CACNA2D4: variants seen among roughly 807,000 people sequenced by gnomAD.
CACNA2D4 encodes the protein calcium voltage-gated channel auxiliary subunit alpha2delta 4.
A neutral mutation model predicts 163.8 loss-of-function variants in CACNA2D4; 157 were observed. That is an observed-to-expected ratio of 0.96 (90% CI 0.84 to 1.09). The LOEUF (loss-of-function observed/expected upper bound fraction) is 1.09. Ranked by LOEUF, CACNA2D4 falls within the 50% of genes least tolerant of loss-of-function variation. The pLI, the probability that CACNA2D4 is intolerant of heterozygous loss-of-function variation, is 0.00. For synonymous variants in CACNA2D4, 598 were observed against 586.9 expected, an observed-to-expected ratio of 1.02 and a Z score of -0.27; for missense variants, 1,410 against 1,479.9, an observed-to-expected ratio of 0.95 and a Z score of 0.78.
At position 1,856,180 on chromosome 12, in the gene CACNA2D4, T is replaced by A. The variant is rs200648405; in HGVS notation, c.2054+4A>T. 5.6e-5 allele frequency: 91 copies of A among 1,613,890 alleles called. 2 individuals carry two copies. The highest frequency in any genetic ancestry group is 3.4e-6 in the Non-Finnish European group (4 of 1,179,904). ...CTCCCTCCCATTTTTTACTCCTCAC[T>A]TACCAGTCACCGGCCAGGGCCAGGT... is the stretch of plus-strand genomic sequence containing the variant. On this transcript the variant is annotated splice_donor_region_variant and intron_variant, in intron 21 of 37. Coordinates refer to ENST00000382722, the MANE Select transcript of CACNA2D4 (RefSeq NM_172364.5).
chr12:1,865,320 CCTTGGAG>C (rs1328631399), intron 18 of CACNA2D4, among the ~76,000 whole-genome samples: 1 of 152,238 alleles, frequency 6.6e-6, no homozygotes, highest in African/African-American at 2.4e-5. Context: ...GTCCTGATTT[CCTTGGAG>C]CTTGCACTGA....
intron 37 of CACNA2D4, 187 bp downstream of exon 37, chr12:1,795,108 CTAAA>C (rs753497523): frequency 5.0e-6 from 3 of 600,844 alleles, no homozygotes; most frequent in African/African-American, 1.9e-5. Context: ...AGGACAAAGA[CTAAA>C]TAAAGATCTG....
chr12:1,877,725 A>T lies in CACNA2D4; in HGVS notation c.1719+590T>A, dbSNP rs144810511. On this transcript the variant is annotated intron_variant, in intron 16 of 37. Coordinates refer to ENST00000382722, the MANE Select transcript of CACNA2D4 (RefSeq NM_172364.5). ...TAGGACTTTAGCTCCCGCCGTCCCAACAGCCACACTGAGAGCTGTGGTCAT... is the reference window on the plus strand; with the variant it reads ...TAGGACTTTAGCTCCCGCCGTCCCATCAGCCACACTGAGAGCTGTGGTCAT... 1.1e-3 allele frequency among the ~76,000 whole-genome samples: 170 copies of T among 152,288 alleles called. 1 individual carries two copies. The highest frequency in any genetic ancestry group is 4.0e-3 in the African/African-American group (168 of 41,570).
Position 1,799,583 on chromosome 12 carries a change from C to G in CACNA2D4, c.2995+92G>C, listed in dbSNP as rs1188026928. 2 of 1,376,772 alleles carry G rather than the reference C, an allele frequency of 1.5e-6. No homozygotes were observed. Among genetic ancestry groups the G allele is most frequent in the African/African-American group, 1.4e-5 (1 of 69,650 alleles). The allele number at this position is 1,376,772 out of a possible 1,614,324, so 85.3% of individuals were successfully genotyped here. ...GAGCTCAGCCCTGCTTGGGGTCATT[C>G]CTGGGACAGGTCATGGAGGGTGGGT... is the stretch of plus-strand genomic sequence containing the variant. On this transcript the variant is annotated intron_variant, in intron 34 of 37. Coordinates refer to ENST00000382722, the MANE Select transcript of CACNA2D4 (RefSeq NM_172364.5). This position sits in a 1 kb window ranked among gnomAD's most constrained non-coding sequence, Gnocchi z 4.7.
intron 26 of CACNA2D4, 112 bp downstream of exon 26, chr12:1,840,627 C>T (rs956436273): frequency 2.6e-5 from 21 of 797,542 alleles, no homozygotes; most frequent in South Asian, 8.0e-5. Context: ...CACATTCCAC[C>T]GGCAGGACTG....
intron 18 of CACNA2D4, among the ~76,000 whole-genome samples, chr12:1,863,367 C>T (rs1224408871): frequency 6.6e-6 from 1 of 152,184 alleles, no homozygotes; most frequent in African/African-American, 2.4e-5. Context: ...TGTGAATTGT[C>T]CAAATTTGTT....
At position 1,828,733 on chromosome 12, in the gene CACNA2D4, G is replaced by A. The variant is rs138023985; in HGVS notation, c.2551+12006C>T. ...TCTCGGTAGAGGACCTAGTGGGCTC[G>A]TGGGATGCGGCGCTGGAAGAGACTT... is the stretch of plus-strand genomic sequence containing the variant. On this transcript the variant is annotated intron_variant, in intron 26 of 37. Transcript: ENST00000382722. This position sits in a 1 kb window ranked among gnomAD's most constrained non-coding sequence, Gnocchi z 4.2. Among the ~76,000 whole-genome samples the A allele has an allele frequency of 2.8e-4, 42 of 152,316 alleles. No individual in the cohort carries two copies. The South Asian group carries it at 3.7e-3, about 14-fold the overall frequency.
At chr12:1,839,755 C>A (rs1398408805) in intron 26 of CACNA2D4, among the ~76,000 whole-genome samples, 1 of 152,162 alleles carries the variant, frequency 6.6e-6, no homozygotes, top group Non-Finnish European at 1.5e-5. Flanking sequence ...TTATACGAGA[C>A]CCCAAGGCAA....
intron 23 of CACNA2D4, among the ~76,000 whole-genome samples, chr12:1,848,955 C>T (rs1285501632): frequency 1.3e-5 from 2 of 152,134 alleles, no homozygotes; most frequent in East Asian, 3.9e-4. Context: ...CACCTTTGGC[C>T]AGTGAGGGCC....
In CACNA2D4 at chr12:1,828,415, CGCTGAGT is replaced by C. The variant is rs2154446916; in HGVS notation, c.2551+12317_2551+12323del. ...CAGCATCCCTGCCAGTCAGAGTCAC[CGCTGAGT>C]GCTGAGTGGTTAGACCTGGAGCTGG... On this transcript the variant is annotated intron_variant, in intron 26 of 37. Transcript: ENST00000382722. The surrounding 1 kb of genome is among the most constrained non-coding windows in gnomAD (Gnocchi z 4.2). 6.6e-6 allele frequency among the ~76,000 whole-genome samples: 1 copy of C among 152,360 alleles called. No homozygotes were observed. The highest frequency in any genetic ancestry group is 2.1e-4 in the South Asian group (1 of 4,830).
intron 4 of CACNA2D4, 84 bp downstream of exon 4, chr12:1,909,822 C>G: frequency 8.6e-7 from 1 of 1,165,998 alleles, no homozygotes; most frequent in South Asian, 1.3e-5. Flanking sequence ...CGCCACCCTA[C>G]GCCGCCACCC....
At chr12:1,893,943 T>C (rs985585977) in intron 6 of CACNA2D4, among the ~76,000 whole-genome samples, 2 of 151,992 alleles carry the variant, frequency 1.3e-5, no homozygotes, top group Non-Finnish European at 2.9e-5. Flanking sequence ...TAAAAAATTA[T>C]GAAGGATCAA....
chr12:1,893,525 T>A (rs899854309), intron 6 of CACNA2D4, among the ~76,000 whole-genome samples: 7 of 151,908 alleles, frequency 4.6e-5, no homozygotes, highest in Admixed American at 1.3e-4. Context: ...CTCAAAAAAA[T>A]ATATAATAAT....
Position 1,834,693 on chromosome 12 carries a change from A to C in CACNA2D4, c.2551+6046T>G, listed in dbSNP as rs776784573. 3.1e-6 allele frequency: 5 copies of C among 1,601,500 alleles called. No homozygotes were observed. In the South Asian group the frequency reaches 5.5e-5, roughly 18 times the overall value. ...GGGGACCCCGAGGGCGAGCACGAGGACCAGAAGCAGATCTCTTCTGTGGCC... is the reference window on the plus strand; with the variant it reads ...GGGGACCCCGAGGGCGAGCACGAGGCCCAGAAGCAGATCTCTTCTGTGGCC... On this transcript the variant is annotated intron_variant, in intron 26 of 37. Transcript: ENST00000382722. The surrounding 1 kb of genome is among the most constrained non-coding windows in gnomAD (Gnocchi z 7.6).
rs944661236 is a variant in CACNA2D4, at chr12:1,820,569, C to G, written c.2552-8846G>C. On this transcript the variant is annotated intron_variant, in intron 26 of 37. Transcript: ENST00000382722. This position sits in a 1 kb window ranked among gnomAD's most constrained non-coding sequence, Gnocchi z 6.0. ...CTCCTCTCTCTCTCTCCCTCCATCC[C>G]TCTCTTTCCTTCTCAGTTTGTGACT... 6.6e-6 allele frequency: 1 copy of G among 152,476 alleles called. No homozygotes were observed. Among genetic ancestry groups the G allele is most frequent in the Non-Finnish European group, 1.5e-5 (1 of 68,216 alleles). The allele number at this position is 152,476 out of a possible 1,614,324, so 9.4% of individuals were successfully genotyped here.
chr12:1,880,025 A>C, intron 13 of CACNA2D4, 144 bp from the exon 14 acceptor site: 20 of 566,896 alleles, frequency 3.5e-5, no homozygotes, highest in Non-Finnish European at 3.9e-5. Context: ...GAAATCCCAA[A>C]TGAGGATTCC....
In CACNA2D4 at chr12:1,828,103, CCT is replaced by C; in HGVS notation, c.2551+12634_2551+12635del. 1 of 1,476,510 alleles carries C rather than the reference CCT, an allele frequency of 6.8e-7. No homozygotes were observed. The highest frequency in any genetic ancestry group is 2.5e-5 in the East Asian group (1 of 39,280). The allele number at this position is 1,476,510 out of a possible 1,614,324, so 91.5% of individuals were successfully genotyped here. A position where few individuals can be genotyped will look rare whatever the true frequency, so the allele number is the denominator to read the frequency against. On this transcript the variant is annotated intron_variant, in intron 26 of 37. Coordinates refer to ENST00000382722, the MANE Select transcript of CACNA2D4 (RefSeq NM_172364.5). The surrounding 1 kb of genome is among the most constrained non-coding windows in gnomAD (Gnocchi z 4.2). ...CTGACAGGCGGCGCACCCAGGGGCTCCTCTCTCCCCAGAGCGACAGGGCCCGG... is the reference window on the plus strand; with the variant it reads ...CTGACAGGCGGCGCACCCAGGGGCTCCTCTCCCCAGAGCGACAGGGCCCGG...
intron 6 of CACNA2D4, among the ~76,000 whole-genome samples, chr12:1,906,021 A>C (rs901831201): frequency 3.3e-5 from 5 of 152,100 alleles, no homozygotes; most frequent in Admixed American, 2.0e-4. Flanking sequence ...CCAGAAATAA[A>C]CCCCCACATA....
At chr12:1,903,647 C>T (rs2429156) in intron 6 of CACNA2D4, among the ~76,000 whole-genome samples, 139,381 of 152,116 alleles carry the variant, frequency 0.92, 64,034 homozygotes, top group East Asian at 1. Context: ...ATCAGAGAAA[C>T]ACAAATCAAA....
Sources: allele counts gnomAD v4.1 joint callset (sites outside exome capture counted in the v4.1 genomes callset), GRCh38; gene constraint gnomAD v4.1.1; non-coding constraint Gnocchi (gnomAD v3.1); transcripts MANE v1.5; gene names NCBI Gene and HGNC (gene_info 2026-07-23, HGNC 2026-07-21).